TRIM37: variants seen among roughly 807,000 people sequenced by gnomAD.
The protein encoded by TRIM37 is E3 ubiquitin-protein ligase TRIM37.
In TRIM37, 80 loss-of-function variants were observed where a neutral mutation model predicts 129.8. That is an observed-to-expected ratio of 0.62 (90% CI 0.51 to 0.74). The LOEUF is 0.74. Ranked by LOEUF, TRIM37 falls within the 30% of genes least tolerant of loss-of-function variation. The pLI is 0.00. For missense variants in TRIM37, 1,054 were observed against 1,176.5 expected (o/e 0.90, Z 1.52); for synonymous variants, 389 against 387.1 (o/e 1.00, Z -0.06).
chr17:59,041,017 C>G (rs1191173644), intron 17 of TRIM37, among the ~76,000 whole-genome samples: 1 of 150,854 alleles, frequency 6.6e-6, no homozygotes, highest in Non-Finnish European at 1.5e-5. Context: ...CTGCAGTCCG[C>G]AGTCCGACCT....
At chr17:59,014,307 G>T (rs60893269) in intron 21 of TRIM37, among the ~76,000 whole-genome samples, 1 of 152,074 alleles carries the variant, frequency 6.6e-6, no homozygotes, top group African/African-American at 2.4e-5. Context: ...TCTTTTCAGG[G>T]TCTCCAAAAT....
chr17:58,986,520 T>C (rs2031831146), intron 24 of TRIM37, among the ~76,000 whole-genome samples: 1 of 149,454 alleles, frequency 6.7e-6, no homozygotes, highest in East Asian at 1.9e-4. Flanking sequence ...TTTTTTTTTT[T>C]TTCTTTTTTG....
downstream of TRIM37, chr17:58,981,358 AAGTTAGTTATTTC>A: frequency 4.2e-6 from 1 of 238,634 alleles, no homozygotes; most frequent in East Asian, 9.6e-5. Context: ...GGAAGCTTTC[AAGTTAGTTATTTC>A]AGTCAGGATA....
intron 21 of TRIM37, among the ~76,000 whole-genome samples, chr17:59,012,810 A>G (rs1448913684): frequency 6.6e-6 from 1 of 151,638 alleles, no homozygotes; most frequent in East Asian, 1.9e-4. Flanking sequence ...CGGGACGTGG[A>G]GGTTGCAGTG....
chr17:59,012,537 G>T (rs2035424201), intron 21 of TRIM37, 91 bp from the exon 22 acceptor site: 2 of 876,458 alleles, frequency 2.3e-6, no homozygotes, highest in Non-Finnish European at 3.8e-6. Context: ...ACTAAGTAGG[G>T]TACGTGCTCT....
In TRIM37 at chr17:59,015,742, T is replaced by C. The variant is rs758671709; in HGVS notation, c.2444A>G (p.His815Arg). The change falls in exon 21 of 24, where the codon CAT becomes CGT. Residue 815 changes from histidine to arginine, a missense_variant. Coordinates refer to ENST00000262294, the MANE Select transcript of TRIM37 (RefSeq NM_015294.6). ...SRHSSPRALI[H>R]GSIGDILPKT... Reference sequence around the variant, plus strand: ...TGGCAGAATATCACCGATACTGCCATGTATCAAGGCTCGGGGAGAACTGTG... The same window carrying C: ...TGGCAGAATATCACCGATACTGCCACGTATCAAGGCTCGGGGAGAACTGTG... 25 of 1,614,062 alleles carry C rather than the reference T, an allele frequency of 1.5e-5. No individual in the cohort carries two copies. The highest frequency in any genetic ancestry group is 1.9e-5 in the Non-Finnish European group (22 of 1,180,014).
At chr17:58,988,546 T>G (rs959095284) in intron 24 of TRIM37, among the ~76,000 whole-genome samples, 1 of 152,056 alleles carries the variant, frequency 6.6e-6, no homozygotes, top group Non-Finnish European at 1.5e-5. Flanking sequence ...AAGGGGCAAG[T>G]AAACAGAGAC....
chr17:59,073,867 C>T (rs1253656279), intron 8 of TRIM37, among the ~76,000 whole-genome samples: 1 of 152,182 alleles, frequency 6.6e-6, no homozygotes, highest in Non-Finnish European at 1.5e-5. Context: ...AAGGTCTTCA[C>T]GGGTACTAGC....
rs1478848164 is a variant in TRIM37, at chr17:59,077,412, T to C, written c.617-1698A>G. 3.9e-5 allele frequency among the ~76,000 whole-genome samples: 6 copies of C among 152,294 alleles called. No homozygotes were observed. In the East Asian group the frequency reaches 1.2e-3, roughly 29 times the overall value. On this transcript the variant is annotated intron_variant, in intron 7 of 23. Coordinates refer to ENST00000262294, the MANE Select transcript of TRIM37 (RefSeq NM_015294.6). ...TGCAAAAAGAGTTAAAATAAAGTAT[T>C]AGCTAGAATCTAATATTATCAGACA...
chr17:59,043,630 A>C (rs1162823098), intron 16 of TRIM37, among the ~76,000 whole-genome samples: 1 of 152,186 alleles, frequency 6.6e-6, no homozygotes, highest in Non-Finnish European at 1.5e-5. Context: ...CAAGAGGTGG[A>C]GACTCCCTTC....
intron 10 of TRIM37, among the ~76,000 whole-genome samples, chr17:59,063,256 T>G (rs2041652238): frequency 6.6e-6 from 1 of 151,606 alleles, no homozygotes; most frequent in South Asian, 2.1e-4. Context: ...CTCAGCTCAC[T>G]GCAACCTCCA....
intron 7 of TRIM37, among the ~76,000 whole-genome samples, chr17:59,077,821 A>G (rs1459311474): frequency 6.7e-6 from 1 of 149,678 alleles, no homozygotes; most frequent in Non-Finnish European, 1.5e-5. Context: ...AAAAAAAAAA[A>G]AAAAAAAAAT....
In TRIM37 at chr17:59,036,389, C is replaced by T. The variant is rs553631201; in HGVS notation, c.1754-4299G>A. On this transcript the variant is annotated intron_variant, in intron 17 of 23. Coordinates refer to ENST00000262294, the MANE Select transcript of TRIM37 (RefSeq NM_015294.6). ...AAAGGTTTTAAGTATCATTCTAATC[C>T]AGATTATTGGCTCATTGAATCCAGT... 5.9e-5 allele frequency among the ~76,000 whole-genome samples: 9 copies of T among 151,756 alleles called. No individual in the cohort carries two copies. In the South Asian group the frequency reaches 1.9e-3, roughly 32 times the overall value.
Position 59,064,354 on chromosome 17 carries a change from C to G in TRIM37, c.860+1G>C. Reference sequence around the variant, plus strand: ...AAACCAGAATTGTCAAAAACTCTTACCTGAAATTCTCTAAAACAAAAGTAG... The same window carrying G: ...AAACCAGAATTGTCAAAAACTCTTAGCTGAAATTCTCTAAAACAAAAGTAG... On this transcript the variant is annotated splice_donor_variant, in intron 10 of 23. Coordinates refer to ENST00000262294, the MANE Select transcript of TRIM37 (RefSeq NM_015294.6). LOFTEE classifies it high-confidence loss of function. 1 of 1,598,424 alleles carries G rather than the reference C, an allele frequency of 6.3e-7. No homozygotes were observed. Among genetic ancestry groups the G allele is most frequent in the Non-Finnish European group, 8.5e-7 (1 of 1,171,060 alleles).
Position 59,091,250 on chromosome 17 carries a change from C to G in TRIM37, c.164+50G>C, listed in dbSNP as rs751608332. 8 of 1,474,926 alleles carry G rather than the reference C, an allele frequency of 5.4e-6. No individual in the cohort carries two copies. The Admixed American group carries it at 1.2e-4, about 23-fold the overall frequency. 91.4% of individuals were successfully genotyped at this position (1,474,926 alleles called of 1,614,324 possible). A position where few individuals can be genotyped will look rare whatever the true frequency, so the allele number is the denominator to read the frequency against. ...GCCTTTATGAATCCCAAGGCACATT[C>G]TGATCTTACTATTTTCAAAATTCAC... On this transcript the variant is annotated intron_variant, in intron 3 of 23. Transcript: ENST00000262294.
chr17:59,088,172 A>C, intron 4 of TRIM37, 119 bp downstream of exon 4: 1 of 698,302 alleles, frequency 1.4e-6, no homozygotes, highest in East Asian at 2.7e-5. Context: ...AAGAATTAAA[A>C]ACAAGAAATA....
At chr17:59,060,967 C>T (rs2041435297) in intron 12 of TRIM37, 65 bp downstream of exon 12, 2 of 1,223,736 alleles carry the variant, frequency 1.6e-6, no homozygotes, top group Admixed American at 1.8e-5. Flanking sequence ...TAAAAATTAA[C>T]AAAAATTGCT....
intron 24 of TRIM37, among the ~76,000 whole-genome samples, chr17:58,988,049 A>G (rs1425891350): frequency 1.3e-5 from 2 of 152,180 alleles, no homozygotes; most frequent in African/African-American, 4.8e-5. Flanking sequence ...AGTGGCACCA[A>G]ATGGAGAGGG....
chr17:59,024,280 T>C (rs1423354786), intron 19 of TRIM37, among the ~76,000 whole-genome samples: 1 of 141,602 alleles, frequency 7.1e-6, no homozygotes, highest in Non-Finnish European at 1.5e-5. Flanking sequence ...TAAAAATCAA[T>C]ATTTTTGTCT....
Sources: allele counts gnomAD v4.1 joint callset (sites outside exome capture counted in the v4.1 genomes callset), GRCh38; gene constraint gnomAD v4.1.1; transcripts MANE v1.5; gene names NCBI Gene and HGNC (gene_info 2026-07-23, HGNC 2026-07-21).